RABGAP1L: variants seen among roughly 807,000 people sequenced by gnomAD.
RABGAP1L encodes RAB GTPase activating protein 1 like, also known as rab GTPase-activating protein 1-like.
Under a neutral mutation model 137.7 loss-of-function variants are expected in RABGAP1L, and 63 were observed. The observed-to-expected ratio is 0.46, with a 90% confidence interval of 0.37 to 0.56. The LOEUF is 0.56. RABGAP1L is among the 20% of genes least tolerant of loss of function. The probability of loss-of-function intolerance (pLI) is 0.00; values close to 1 mark genes in which losing one functional copy is unlikely to be tolerated. For missense variants in RABGAP1L, 1,095 were observed against 1,244.0 expected, an observed-to-expected ratio of 0.88 and a Z score of 1.80; for synonymous variants, 431 against 433.7, an observed-to-expected ratio of 0.99 and a Z score of 0.08.
rs73038685 is a variant in RABGAP1L at position 174,423,710 on chromosome 1, G to A, written c.1710+29565G>A. 5.3e-3 allele frequency among the ~76,000 whole-genome samples: 806 copies of A among 152,016 alleles called. 10 individuals carry two copies. The highest frequency in any genetic ancestry group is 0.018 in the African/African-American group (764 of 41,466). ...TTCTTTGTTTGCTCCTTCCTAGTTC[G>A]CTTTCTCCCTCCCTTTTTTCCTCCC... is the stretch of plus-strand genomic sequence containing the variant. On this transcript the variant is annotated intron_variant, in intron 13 of 25. Transcript: ENST00000681986.
intron 1 of RABGAP1L, among the ~76,000 whole-genome samples, chr1:174,177,605 T>A (rs1262825544): frequency 6.6e-6 from 1 of 152,252 alleles, no homozygotes; most frequent in East Asian, 1.9e-4. Flanking sequence ...AGGGTTATTA[T>A]GATTTTGGGT....
intron 11 of RABGAP1L, 115 bp downstream of exon 11, chr1:174,305,242 C>G: frequency 9.3e-7 from 1 of 1,071,558 alleles, no homozygotes; most frequent in Admixed American, 4.1e-5. Context: ...ACCTCTGTTA[C>G]CATTAGGCCA....
intron 17 of RABGAP1L, among the ~76,000 whole-genome samples, chr1:174,704,612 A>G (rs1448953772): frequency 1.3e-5 from 2 of 152,218 alleles, no homozygotes; most frequent in Non-Finnish European, 2.9e-5. Flanking sequence ...TATAACAGCT[A>G]GAGAATCTGA....
In RABGAP1L at chr1:174,688,646, T is replaced by G. The variant is rs549266283; in HGVS notation, c.1899+5050T>G. Among the ~76,000 whole-genome samples the G allele has an allele frequency of 1.4e-4, 21 of 152,200 alleles. No homozygotes were observed. The South Asian group carries it at 2.3e-3, about 17-fold the overall frequency. ...ATAGTGTTTATAACAGTCAAAACAC[T>G]GAAGCAACTCAAATGTCCACTACTA... On this transcript the variant is annotated intron_variant, in intron 15 of 25. Transcript: ENST00000681986.
intron 1 of RABGAP1L, chr1:174,159,996 C>G (rs1251947473): frequency 6.6e-6 from 1 of 152,310 alleles, no homozygotes; most frequent in African/African-American, 2.4e-5. Flanking sequence ...GGCTGCCGCC[C>G]GCTGCTACGC....
chr1:174,361,170 G>A (rs757343661), intron 11 of RABGAP1L, among the ~76,000 whole-genome samples: 1 of 150,676 alleles, frequency 6.6e-6, no homozygotes, highest in African/African-American at 2.4e-5. Flanking sequence ...TGCTGTTTTG[G>A]TTACTGTAGC....
intron 19 of RABGAP1L, among the ~76,000 whole-genome samples, chr1:174,819,933 G>A (rs1035788663): frequency 6.6e-6 from 1 of 152,134 alleles, no homozygotes; most frequent in Non-Finnish European, 1.5e-5. Context: ...TGGGGAAAAT[G>A]GTGAATGTGT....
intron 14 of RABGAP1L, among the ~76,000 whole-genome samples, chr1:174,649,023 C>A (rs1054340884): frequency 1.3e-5 from 2 of 151,882 alleles, no homozygotes; most frequent in Non-Finnish European, 2.9e-5. Context: ...GGATTGCCAC[C>A]CCTGCTTTTT....
rs12093814 is a variant in RABGAP1L, at chr1:174,175,481, C to G, written c.-34+15824C>G. Among the ~76,000 whole-genome samples the G allele has an allele frequency of 2.5e-3, 368 of 150,096 alleles. 1 individual carries two copies. Among genetic ancestry groups the G allele is most frequent in the African/African-American group, 8.9e-3 (362 of 40,784 alleles). On this transcript the variant is annotated intron_variant, in intron 1 of 25. Transcript: ENST00000681986. ...GCCTGTTTCTGCATTAGACTACAGG[C>G]TTTCTTTTTTCTTTTTTTTTTTTTT...
intron 4 of RABGAP1L, among the ~76,000 whole-genome samples, chr1:174,239,415 C>T (rs752256372): frequency 5.9e-5 from 9 of 152,282 alleles, no homozygotes; most frequent in Middle Eastern, 6.8e-3. Flanking sequence ...GTCATATTTC[C>T]CGCCCCAGGA....
chr1:174,826,692 A>G (rs1691599571), intron 19 of RABGAP1L, among the ~76,000 whole-genome samples: 2 of 152,200 alleles, frequency 1.3e-5, no homozygotes, highest in Non-Finnish European at 1.5e-5. Context: ...TCAAATAGTA[A>G]TTCAACATTT....
chr1:174,227,546 G>A (rs1242781734), intron 3 of RABGAP1L, among the ~76,000 whole-genome samples: 1 of 152,012 alleles, frequency 6.6e-6, no homozygotes, highest in African/African-American at 2.4e-5. Context: ...GGATCTAAGT[G>A]TACTTACTCT....
At chr1:174,858,135 C>T (rs888673628) in intron 19 of RABGAP1L, among the ~76,000 whole-genome samples, 14 of 152,080 alleles carry the variant, frequency 9.2e-5, no homozygotes, top group Non-Finnish European at 1.6e-4. Context: ...ACCTCAGCTT[C>T]CCAAGTAGTT....
At chr1:174,490,310 AAC>A (rs1223479311) in intron 13 of RABGAP1L, among the ~76,000 whole-genome samples, 3 of 152,190 alleles carry the variant, frequency 2.0e-5, no homozygotes, top group Non-Finnish European at 4.4e-5. Flanking sequence ...CAAGCCCGGT[AAC>A]ACTGTGGTTC....
chr1:174,396,362 T>C (rs1647851006), intron 13 of RABGAP1L, among the ~76,000 whole-genome samples: 1 of 152,098 alleles, frequency 6.6e-6, no homozygotes, highest in Non-Finnish European at 1.5e-5. Flanking sequence ...CAAAAAAAGA[T>C]CCATATTCAA....
At chr1:174,987,259 C>T (rs1240033461) in intron 24 of RABGAP1L, among the ~76,000 whole-genome samples, 3 of 152,122 alleles carry the variant, frequency 2.0e-5, no homozygotes, top group African/African-American at 4.8e-5. Flanking sequence ...CTCCGCCTCC[C>T]GGGTTCACGC....
At chr1:174,294,713 G>T (rs777819557) in intron 10 of RABGAP1L, among the ~76,000 whole-genome samples, 116 of 152,142 alleles carry the variant, frequency 7.6e-4, no homozygotes, top group Non-Finnish European at 1.5e-3. Context: ...TGGCAGTGAG[G>T]ATGGTGGAAA....
intron 18 of RABGAP1L, among the ~76,000 whole-genome samples, chr1:174,792,514 A>G (rs747429297): frequency 7.2e-5 from 11 of 152,224 alleles, no homozygotes; most frequent in Non-Finnish European, 1.3e-4. Context: ...GGTGACTCTT[A>G]TAGGAAGTGC....
At chr1:174,251,196 A>G (rs1256527031) in intron 6 of RABGAP1L, among the ~76,000 whole-genome samples, 1 of 152,172 alleles carries the variant, frequency 6.6e-6, no homozygotes, top group Non-Finnish European at 1.5e-5. Flanking sequence ...CTTGTCAGCC[A>G]CAGTCACTTT....
Sources: gnomAD v4.1 joint callset for allele counts (sites outside exome capture counted in the v4.1 genomes callset) on GRCh38, gnomAD v4.1.1 for gene constraint, MANE v1.5 for transcripts, NCBI Gene and HGNC (gene_info 2026-07-23, HGNC 2026-07-21) for gene names.